The following USP30 variants were observed in gnomAD, a reference collection of about 807,000 sequenced individuals.
The protein encoded by USP30 is ubiquitin carboxyl-terminal hydrolase 30.
A neutral mutation model predicts 68.2 loss-of-function variants in USP30; 41 were observed. The ratio of observed to expected loss-of-function variants is 0.60; its 90% confidence interval spans 0.47 to 0.78. The LOEUF (loss-of-function observed/expected upper bound fraction) is 0.78. Among genes scored for constraint, USP30 ranks in the 30% least tolerant of loss-of-function variants. The pLI, the probability that USP30 is intolerant of heterozygous loss-of-function variation, is 0.00. For missense variants in USP30, 522 were observed against 649.4 expected, an observed-to-expected ratio of 0.80 and a Z score of 2.13; for synonymous variants, 229 against 253.7, an observed-to-expected ratio of 0.90 and a Z score of 0.93.
intron 3 of USP30, among the ~76,000 whole-genome samples, chr12:109,039,686 C>T (rs956572531): frequency 1.1e-4 from 17 of 152,122 alleles, no homozygotes; most frequent in African/African-American, 4.1e-4. Flanking sequence ...TCTCAGCTCA[C>T]TGCAACCTCC....
chr12:109,056,907 T>G lies in USP30; in HGVS notation c.193+116T>G, dbSNP rs2040894845. 1.4e-5 allele frequency: 9 copies of G among 621,742 alleles called. No homozygotes were observed. In the South Asian group the frequency reaches 2.8e-4, roughly 19 times the overall value. 38.5% of individuals were successfully genotyped at this position (621,742 alleles called of 1,614,324 possible). On this transcript the variant is annotated intron_variant, in intron 2 of 12. Coordinates refer to ENST00000257548, the MANE Select transcript of USP30 (RefSeq NM_032663.5). ...ATATTTGTTCTCTGTATCTTTAAAATTAGGATTTCAGGTTTTCAAACAGTA... is the reference window on the plus strand; with the variant it reads ...ATATTTGTTCTCTGTATCTTTAAAAGTAGGATTTCAGGTTTTCAAACAGTA...
At chr12:109,069,856 A>ACCG (rs2041379858) in intron 4 of USP30, among the ~76,000 whole-genome samples, 1 of 152,180 alleles carries the variant, frequency 6.6e-6, no homozygotes, top group Non-Finnish European at 1.5e-5. Context: ...GAAGTATAAA[A>ACCG]GAGAGTGAAG....
chr12:109,072,375 A>G, intron 6 of USP30, 25 bp downstream of exon 6: 1 of 1,606,100 alleles, frequency 6.2e-7, no homozygotes, highest in Admixed American at 1.7e-5. Context: ...TTGAAATATA[A>G]CACATAAGAT....
intron 3 of USP30, among the ~76,000 whole-genome samples, chr12:109,062,983 C>T (rs749361404): frequency 1.7e-4 from 26 of 152,124 alleles, no homozygotes; most frequent in African/African-American, 4.8e-4. Flanking sequence ...CCTCATTAAG[C>T]GGACTCATAT....
At chr12:109,036,224 C>T (rs115287827) in intron 3 of USP30, among the ~76,000 whole-genome samples, 4,260 of 151,814 alleles carry the variant, frequency 0.028, 90 homozygotes, top group South Asian at 0.1. Flanking sequence ...TACGGATGCT[C>T]TTTATTTCCC....
chr12:109,057,355 G>A (rs952327911), intron 2 of USP30, among the ~76,000 whole-genome samples: 3 of 151,842 alleles, frequency 2.0e-5, no homozygotes, highest in African/African-American at 7.3e-5. Context: ...TCCTTTTTTT[G>A]TGTCTTTGAG....
chr12:109,053,896 T>TC, intron 1 of USP30: 1 of 396,176 alleles, frequency 2.5e-6, no homozygotes, highest in Admixed American at 3.0e-5. Context: ...CTTCGTGGTT[T>TC]TAAGCACAGA....
At chr12:109,031,687 C>A (rs775820613) in intron 3 of USP30, among the ~76,000 whole-genome samples, 17 of 152,102 alleles carry the variant, frequency 1.1e-4, no homozygotes, top group Admixed American at 3.9e-4. Flanking sequence ...AATGACGTTC[C>A]AATAGAAGCT....
chr12:109,025,923 A>T (rs528092568), intron 2 of USP30, among the ~76,000 whole-genome samples: 1 of 152,278 alleles, frequency 6.6e-6, no homozygotes, highest in South Asian at 2.1e-4. Flanking sequence ...CCTGGGCTCA[A>T]GGGATCCTCC....
chr12:109,044,889 T>C (rs1209099070), intron 3 of USP30, among the ~76,000 whole-genome samples: 1 of 151,936 alleles, frequency 6.6e-6, no homozygotes, highest in Non-Finnish European at 1.5e-5. Flanking sequence ...CATTATGTTA[T>C]CACACTTTTT....
chr12:109,081,833 T>C (rs2041812241), intron 8 of USP30, 100 bp from the exon 9 acceptor site: 3 of 1,192,522 alleles, frequency 2.5e-6, no homozygotes, highest in South Asian at 2.5e-5. Flanking sequence ...ATTGCCTGCA[T>C]ACATCAAAAT....
Position 109,081,318 on chromosome 12 carries a change from G to T in USP30, c.721-16G>T, listed in dbSNP as rs773361416. On this transcript the variant is annotated splice_polypyrimidine_tract_variant and intron_variant, in intron 7 of 12. Coordinates refer to ENST00000257548, the MANE Select transcript of USP30 (RefSeq NM_032663.5). ...AGCCTAAATCGTTTCTGGATTTTCTGCAATATTTCTTTCAGAGTCCTGTTC... is the reference window on the plus strand; with the variant it reads ...AGCCTAAATCGTTTCTGGATTTTCTTCAATATTTCTTTCAGAGTCCTGTTC... 1.9e-6 allele frequency: 3 copies of T among 1,613,138 alleles called. No individual in the cohort carries two copies. The South Asian group carries it at 3.3e-5, about 18-fold the overall frequency.
intron 3 of USP30, among the ~76,000 whole-genome samples, chr12:109,066,247 CAAAAAA>C (rs35466141): frequency 1.0e-5 from 1 of 96,042 alleles, no homozygotes. Context: ...GACCCTGTCT[CAAAAAA>C]AAAAAAAAAA....
chr12:109,081,273 A>G (rs1262745975), intron 7 of USP30, 61 bp from the exon 8 acceptor site: 1 of 1,523,364 alleles, frequency 6.6e-7, no homozygotes, highest in Non-Finnish European at 9.1e-7. Flanking sequence ...CATATCTTGC[A>G]TCTTTAAAAC....
upstream of USP30, among the ~76,000 whole-genome samples, chr12:109,048,731 C>A (rs1341966861): frequency 8.1e-6 from 1 of 122,764 alleles, no homozygotes; most frequent in Non-Finnish European, 1.7e-5. Context: ...CAGAGTGAGA[C>A]TCTGTCTCAA....
At chr12:109,063,405 C>T (rs539009943) in intron 3 of USP30, among the ~76,000 whole-genome samples, 25 of 152,286 alleles carry the variant, frequency 1.6e-4, no homozygotes, top group Non-Finnish European at 3.4e-4. Flanking sequence ...CAGGCCTAGG[C>T]TGAATAATAT....
chr12:109,051,314 T>C (rs2040668809), upstream of USP30, among the ~76,000 whole-genome samples: 1 of 137,934 alleles, frequency 7.2e-6, no homozygotes, highest in South Asian at 2.4e-4. Flanking sequence ...TGGAGTGCAG[T>C]GGTGTGATCT....
At position 109,082,758 on chromosome 12, in the gene USP30, C is replaced by T. The variant is rs375296825; in HGVS notation, c.948+15C>T. 1.9e-6 allele frequency: 3 copies of T among 1,612,914 alleles called. No homozygotes were observed. Among genetic ancestry groups the T allele is most frequent in the Non-Finnish European group, 2.5e-6 (3 of 1,179,332 alleles). On this transcript the variant is annotated intron_variant, in intron 10 of 12. Coordinates refer to ENST00000257548, the MANE Select transcript of USP30 (RefSeq NM_032663.5). ...AACTAGGGAAGGTGAGCCCACACTA[C>T]ACACCCTGTTGGCTTTGTTTTGAGG...
In USP30 at chr12:109,056,684, A is replaced by G; in HGVS notation, c.86A>G (p.Tyr29Cys). The change falls in exon 2 of 13, where the codon TAT becomes TGT. Residue 29 changes from tyrosine (Y) to cysteine (C), a missense_variant and splice_region_variant. By Grantham distance (194) the Tyr-to-Cys change is radical. Transcript: ENST00000257548. Reference protein sequence around the residue: ...RFLRTGAAVRYKVMKNWGVIG... With the variant: ...RFLRTGAAVRCKVMKNWGVIG... ...AGTAAACTTGTTTTCTTTTTTAGAT[A>G]TAAAGTCATGAAGAACTGGGGAGTT... 6.2e-7 allele frequency: 1 copy of G among 1,606,806 alleles called. No individual in the cohort carries two copies. The highest frequency in any genetic ancestry group is 8.5e-7 in the Non-Finnish European group (1 of 1,177,288).
Sources: gnomAD v4.1 joint callset for allele counts (sites outside exome capture counted in the v4.1 genomes callset) on GRCh38, gnomAD v4.1.1 for gene constraint, MANE v1.5 for transcripts, NCBI Gene and HGNC (gene_info 2026-07-23, HGNC 2026-07-21) for gene names.